The following RCAN2 variants were observed in gnomAD, a reference collection of about 807,000 sequenced individuals.
RCAN2 encodes calcipressin-2.
RCAN2 carries 9 observed loss-of-function variants against 23.6 expected under a neutral mutation model. That is an observed-to-expected ratio of 0.38 (90% CI 0.23 to 0.67). The LOEUF (loss-of-function observed/expected upper bound fraction) is 0.67, where lower values mean the gene tolerates loss of function less well. Among genes scored for constraint, RCAN2 ranks in the 30% least tolerant of loss-of-function variants. The pLI, the probability that RCAN2 is intolerant of heterozygous loss-of-function variation, is 0.51. For missense variants in RCAN2, 273 were observed against 302.3 expected, an observed-to-expected ratio of 0.90 and a Z score of 0.72; for synonymous variants, 109 against 115.7, an observed-to-expected ratio of 0.94 and a Z score of 0.37.
intron 2 of RCAN2, among the ~76,000 whole-genome samples, chr6:46,271,376 G>A (rs1301956825): frequency 6.6e-6 from 1 of 152,186 alleles, no homozygotes; most frequent in Non-Finnish European, 1.5e-5. Context: ...CTGATTGGAT[G>A]AAGCCCACAC....
chr6:46,298,618 T>C (rs1762797189), intron 2 of RCAN2, among the ~76,000 whole-genome samples: 1 of 152,096 alleles, frequency 6.6e-6, no homozygotes, highest in Admixed American at 6.5e-5. Flanking sequence ...GGAGAATCTC[T>C]ATTTAAAAAA....
chr6:46,248,372 A>C (rs1582027965), intron 3 of RCAN2, among the ~76,000 whole-genome samples: 2 of 152,336 alleles, frequency 1.3e-5, no homozygotes, highest in East Asian at 3.9e-4. Flanking sequence ...TATTATAACT[A>C]CTAGCGGGCA....
intron 2 of RCAN2, among the ~76,000 whole-genome samples, chr6:46,397,929 T>C (rs1296141070): frequency 6.6e-6 from 1 of 152,204 alleles, no homozygotes; most frequent in African/African-American, 2.4e-5. Flanking sequence ...TACAGGTAAA[T>C]AGACTTATTT....
intron 2 of RCAN2, among the ~76,000 whole-genome samples, chr6:46,356,916 C>G (rs970027887): frequency 6.6e-6 from 1 of 152,204 alleles, no homozygotes; most frequent in Admixed American, 6.5e-5. Context: ...TCAAGTTCAA[C>G]AGGTGGATCA....
intron 2 of RCAN2, among the ~76,000 whole-genome samples, chr6:46,417,896 C>T (rs1648608565): frequency 6.6e-6 from 1 of 152,172 alleles, no homozygotes; most frequent in Non-Finnish European, 1.5e-5. Flanking sequence ...GCTATTAGAT[C>T]TATTTCACTG....
chr6:46,374,824 A>G (rs1765414869), intron 2 of RCAN2, among the ~76,000 whole-genome samples: 1 of 152,236 alleles, frequency 6.6e-6, no homozygotes. Context: ...CAGTTACAGA[A>G]CGATAAAAGA....
chr6:46,386,872 C>G (rs1765771956), intron 2 of RCAN2, among the ~76,000 whole-genome samples: 1 of 152,078 alleles, frequency 6.6e-6, no homozygotes. Context: ...CCACAGTAAC[C>G]AAAACAGCAT....
At chr6:46,303,103 G>C (rs886402753) in intron 2 of RCAN2, among the ~76,000 whole-genome samples, 2 of 151,886 alleles carry the variant, frequency 1.3e-5, no homozygotes, top group Non-Finnish European at 2.9e-5. Context: ...TCACTTTCTG[G>C]GTTCACTGTA....
intron 2 of RCAN2, among the ~76,000 whole-genome samples, chr6:46,294,346 T>A (rs576120493): frequency 6.6e-6 from 1 of 152,260 alleles, no homozygotes; most frequent in East Asian, 1.9e-4. Context: ...AGACATCCAA[T>A]CTCATGCATT....
At chr6:46,332,295 A>T in intron 2 of RCAN2, among the ~76,000 whole-genome samples, 1 of 152,028 alleles carries the variant, frequency 6.6e-6, no homozygotes. Flanking sequence ...TCATTTTAAA[A>T]ATTCTTTTTT....
At chr6:46,437,059 T>C (rs982840637) in intron 2 of RCAN2, among the ~76,000 whole-genome samples, 3 of 152,182 alleles carry the variant, frequency 2.0e-5, no homozygotes, top group Admixed American at 6.5e-5. Flanking sequence ...ATGCTTCCAT[T>C]TATGCTTCAG....
At chr6:46,452,112 C>T (rs1261907721) in intron 2 of RCAN2, among the ~76,000 whole-genome samples, 1 of 152,042 alleles carries the variant, frequency 6.6e-6, no homozygotes, top group South Asian at 2.1e-4. Context: ...ATCCCCAGAA[C>T]CAAATATCAT....
At chr6:46,309,851 C>T (rs1763197008) in intron 2 of RCAN2, among the ~76,000 whole-genome samples, 1 of 152,156 alleles carries the variant, frequency 6.6e-6, no homozygotes. Context: ...CAATTTTAAA[C>T]AACACTGTAC....
chr6:46,229,340 T>C (rs1315748551), intron 4 of RCAN2, among the ~76,000 whole-genome samples: 2 of 152,238 alleles, frequency 1.3e-5, no homozygotes, highest in Non-Finnish European at 2.9e-5. Flanking sequence ...GGGGAAGTTC[T>C]CCTGGCTGAT....
At chr6:46,240,921 G>A (rs1421442829) in intron 4 of RCAN2, among the ~76,000 whole-genome samples, 2 of 152,206 alleles carry the variant, frequency 1.3e-5, no homozygotes, top group East Asian at 3.9e-4. Context: ...TGAAACTCAA[G>A]CACCATTTTA....
At chr6:46,319,928 G>A (rs1387262458) in intron 2 of RCAN2, among the ~76,000 whole-genome samples, 1 of 152,094 alleles carries the variant, frequency 6.6e-6, no homozygotes, top group South Asian at 2.1e-4. Flanking sequence ...ACCAAAGATG[G>A]TCTAGAGATG....
In RCAN2 at chr6:46,282,741, G is replaced by A. The variant is rs893412336; in HGVS notation, c.226-33845C>T. Among the ~76,000 whole-genome samples, 14 of 152,188 alleles carry A rather than the reference G, an allele frequency of 9.2e-5. 1 individual carries two copies. The highest frequency in any genetic ancestry group is 7.9e-4 in the Admixed American group (12 of 15,280). On this transcript the variant is annotated intron_variant, in intron 2 of 4. Transcript: ENST00000371374. ...ACTTGAAGTTATTGATGGCCAAAGT[G>A]TACAGATCAATTTGGCAGAGAACTG...
chr6:46,474,640 A>C (rs1385772002), intron 1 of RCAN2, among the ~76,000 whole-genome samples: 1 of 152,196 alleles, frequency 6.6e-6, no homozygotes, highest in Non-Finnish European at 1.5e-5. Flanking sequence ...AAACCTCCTC[A>C]CAATAGCATA....
At chr6:46,479,949 T>C (rs1198316495) in intron 1 of RCAN2, among the ~76,000 whole-genome samples, 1 of 152,198 alleles carries the variant, frequency 6.6e-6, no homozygotes, top group Non-Finnish European at 1.5e-5. Context: ...TAGCCTTCAC[T>C]TGAGGCAAAT....
Sources: gnomAD v4.1 joint callset for allele counts (sites outside exome capture counted in the v4.1 genomes callset) on GRCh38, gnomAD v4.1.1 for gene constraint, MANE v1.5 for transcripts, NCBI Gene and HGNC (gene_info 2026-07-23, HGNC 2026-07-21) for gene names.